Variants in ITPR1 observed in about 807,000 individuals in gnomAD.
ITPR1 encodes inositol 1,4,5-trisphosphate-gated calcium channel ITPR1.
A neutral mutation model predicts 318.4 loss-of-function variants in ITPR1; 96 were observed. The ratio of observed to expected loss-of-function variants is 0.30; its 90% CI spans 0.26 to 0.36. The LOEUF is 0.36. Ranked by LOEUF, ITPR1 falls within the 10% of genes least tolerant of loss-of-function variation. The probability of loss-of-function intolerance (pLI) is 1.00; values close to 1 mark genes in which losing one functional copy is unlikely to be tolerated. For missense variants in ITPR1, 2,440 were observed against 3,460.2 expected, an observed-to-expected ratio of 0.71 and a Z score of 7.40; for synonymous variants, 1,312 against 1,289.9, an observed-to-expected ratio of 1.02 and a Z score of -0.37.
Position 4,836,925 on chromosome 3 carries a change from TA to T in ITPR1, c.8183del (p.Lys2728ArgfsTer4). 1 of 1,586,422 alleles carries T rather than the reference TA, an allele frequency of 6.3e-7. No homozygotes were observed. The highest frequency in any genetic ancestry group is 8.6e-7 in the Non-Finnish European group (1 of 1,160,352). ...VTNLSGQLSELKDQMTEQRKQ... is the reference protein window; with the variant it reads ...VTNLSGQLSEXKDQMTEQRKQ... ...AACCTTTCTGGCCAGCTGTCGGAAT[TA>T]AAGGATCAGGTAAAGAAAGAAAATC... On this transcript the variant is annotated frameshift_variant, in exon 61 of 62. Coordinates refer to ENST00000649015, the MANE Select transcript of ITPR1 (RefSeq NM_001378452.1). LOFTEE classifies it high-confidence loss of function.
chr3:4,522,493 G>A (rs2082643637), intron 4 of ITPR1, among the ~76,000 whole-genome samples: 1 of 152,196 alleles, frequency 6.6e-6, no homozygotes, highest in Admixed American at 6.5e-5. Flanking sequence ...AGACAATCAG[G>A]AGAATGTTTT....
rs968414708 is a variant in ITPR1, at chr3:4,717,880, C to G, written c.5136+481C>G. 3.3e-5 allele frequency among the ~76,000 whole-genome samples: 5 copies of G among 152,316 alleles called. No homozygotes were observed. The South Asian group carries it at 6.2e-4, about 19-fold the overall frequency. ...ATTGAGTGTGAGAGTTCATATAAAA[C>G]TTTTTTTAAGCGCAGTGTGAATTCC... On this transcript the variant is annotated intron_variant, in intron 40 of 61. Transcript: ENST00000649015.
At chr3:4,805,547 G>A (rs1249845000) in intron 54 of ITPR1, among the ~76,000 whole-genome samples, 1 of 152,116 alleles carries the variant, frequency 6.6e-6, no homozygotes, top group African/African-American at 2.4e-5. Context: ...AGAAGAGAGG[G>A]CAGGGGAATA....
At chr3:4,561,112 G>A (rs1464508876) in intron 4 of ITPR1, among the ~76,000 whole-genome samples, 1 of 152,164 alleles carries the variant, frequency 6.6e-6, no homozygotes, top group Non-Finnish European at 1.5e-5. Context: ...GGCTAGCTGT[G>A]ATTTGCTAAT....
intron 28 of ITPR1, 149 bp downstream of exon 28, chr3:4,683,947 C>A: frequency 1.3e-6 from 1 of 794,392 alleles, no homozygotes; most frequent in Non-Finnish European, 2.0e-6. Context: ...AGCTGTTTGC[C>A]TAGGAAATAA....
chr3:4,835,980 T>C (rs562091816), intron 60 of ITPR1, among the ~76,000 whole-genome samples: 133 of 150,874 alleles, frequency 8.8e-4, no homozygotes, highest in African/African-American at 3.2e-3. Context: ...ACAAGAGGAG[T>C]GGTTTCTATA....
At chr3:4,584,918 G>A (rs961086904) in intron 4 of ITPR1, among the ~76,000 whole-genome samples, 4 of 152,174 alleles carry the variant, frequency 2.6e-5, no homozygotes, top group Admixed American at 2.0e-4. Context: ...TCTAGAAATC[G>A]ACTGGGTGGA....
At chr3:4,768,944 C>G (rs974598613) in intron 46 of ITPR1, among the ~76,000 whole-genome samples, 180 bp downstream of exon 46, 3 of 150,010 alleles carry the variant, frequency 2.0e-5, no homozygotes, top group Non-Finnish European at 3.0e-5. Flanking sequence ...GAGTCTCGCT[C>G]TGTCACCCAG....
intron 44 of ITPR1, among the ~76,000 whole-genome samples, chr3:4,763,849 GCTAT>G (rs959256412): frequency 3.3e-5 from 5 of 152,262 alleles, no homozygotes; most frequent in African/African-American, 1.2e-4. Flanking sequence ...TCCGTGGCAG[GCTAT>G]CTGTGTGTGT....
At chr3:4,775,757 C>G (rs565253903) in intron 47 of ITPR1, among the ~76,000 whole-genome samples, 17 of 152,186 alleles carry the variant, frequency 1.1e-4, no homozygotes, top group Non-Finnish European at 2.1e-4. Flanking sequence ...GAAATGAGAA[C>G]CAAAAGACAG....
At chr3:4,727,810 A>G (rs552847883) in intron 42 of ITPR1, among the ~76,000 whole-genome samples, 29 of 152,326 alleles carry the variant, frequency 1.9e-4, no homozygotes, top group Non-Finnish European at 3.8e-4. Flanking sequence ...TCCTGGGCTC[A>G]AGCAATCCTC....
intron 4 of ITPR1, among the ~76,000 whole-genome samples, chr3:4,592,247 A>T (rs1023949629): frequency 6.6e-6 from 1 of 152,244 alleles, no homozygotes; most frequent in Admixed American, 6.5e-5. Flanking sequence ...TCAGTCCCGC[A>T]TACAAACTGA....
At chr3:4,551,854 C>A (rs2085600057) in intron 4 of ITPR1, among the ~76,000 whole-genome samples, 1 of 152,222 alleles carries the variant, frequency 6.6e-6, no homozygotes, top group South Asian at 2.1e-4. Flanking sequence ...TTTTTGACTA[C>A]ATCTCTGCTG....
chr3:4,670,893 A>G lies in ITPR1; in HGVS notation c.2171A>G (p.Gln724Arg). The G allele has an allele frequency of 6.2e-7, 1 of 1,602,184 alleles. No individual in the cohort carries two copies. The highest frequency in any genetic ancestry group is 8.5e-7 in the Non-Finnish European group (1 of 1,172,870). The change falls in exon 20 of 62, where the codon CAG becomes CGG. Residue 724 changes from glutamine to arginine, a missense_variant. Gln to Arg is a conservative substitution (Grantham distance 43). This residue lies in a region of ITPR1 where 478 missense variants were observed against 696.3 expected (regional missense o/e 0.69). Coordinates refer to ENST00000649015, the MANE Select transcript of ITPR1 (RefSeq NM_001378452.1). ...TTGGCTCAGGATGCTAAAGAAGGGC[A>G]GAAGGAGGACCGAGACGTTCTCAGC... Reference protein sequence around the residue: ...RELAQDAKEGQKEDRDVLSYY... With the variant: ...RELAQDAKEGRKEDRDVLSYY...
At chr3:4,662,617 G>C (rs2093859337) in intron 15 of ITPR1, among the ~76,000 whole-genome samples, 1 of 152,114 alleles carries the variant, frequency 6.6e-6, no homozygotes, top group South Asian at 2.1e-4. Flanking sequence ...CAGCTCCTCA[G>C]GAAGCTGAGG....
At chr3:4,784,646 C>T (rs1254504085) in intron 51 of ITPR1, among the ~76,000 whole-genome samples, 6 of 147,928 alleles carry the variant, frequency 4.1e-5, no homozygotes, top group East Asian at 2.0e-4. Context: ...TTTGGGAGGC[C>T]GAGGCAGGTA....
At chr3:4,801,917 A>G (rs995180102) in intron 54 of ITPR1, among the ~76,000 whole-genome samples, 5 of 152,242 alleles carry the variant, frequency 3.3e-5, no homozygotes, top group African/African-American at 1.2e-4. Context: ...TGTTATCAAC[A>G]GACAATAAAT....
At chr3:4,635,941 A>G (rs1389430024) in intron 5 of ITPR1, among the ~76,000 whole-genome samples, 2 of 150,896 alleles carry the variant, frequency 1.3e-5, no homozygotes, top group Non-Finnish European at 3.0e-5. Context: ...GCTCACTGCA[A>G]CCTCTGCCTC....
chr3:4,834,798 A>AT (rs572842492), intron 60 of ITPR1, among the ~76,000 whole-genome samples: 33 of 152,164 alleles, frequency 2.2e-4, no homozygotes, highest in Non-Finnish European at 3.8e-4. Flanking sequence ...GAAATGGAAT[A>AT]TTTTTTAACG....
Sources: allele counts gnomAD v4.1 joint callset (sites outside exome capture counted in the v4.1 genomes callset), GRCh38; gene constraint gnomAD v4.1.1; regional missense constraint gnomAD v4.1.1; transcripts MANE v1.5; gene names NCBI Gene and HGNC (gene_info 2026-07-23, HGNC 2026-07-21).